SDK1: variants seen among roughly 807,000 people sequenced by gnomAD.
SDK1 encodes protein sidekick-1.
Under a neutral mutation model 245.5 loss-of-function variants are expected in SDK1, and 157 were observed. The ratio of observed to expected loss-of-function variants is 0.64; its 90% CI spans 0.56 to 0.73. The LOEUF (loss-of-function observed/expected upper bound fraction) is 0.73. SDK1 is among the 30% of genes least tolerant of loss of function. SDK1 has a pLI of 0.00. For missense variants in SDK1, 3,583 were observed against 3,002.3 expected, an observed-to-expected ratio of 1.19 and a Z score of -4.52; for synonymous variants, 1,647 against 1,278.5, an observed-to-expected ratio of 1.29 and a Z score of -6.15.
intron 4 of SDK1, among the ~76,000 whole-genome samples, chr7:3,759,006 G>C (rs1053755288): frequency 6.6e-6 from 1 of 152,162 alleles, no homozygotes; most frequent in East Asian, 1.9e-4. Context: ...TTCTCTGACA[G>C]GGAGAAACCT....
intron 4 of SDK1, among the ~76,000 whole-genome samples, chr7:3,793,192 G>T (rs1396884214): frequency 1.3e-5 from 2 of 151,886 alleles, no homozygotes; most frequent in Non-Finnish European, 2.9e-5. Flanking sequence ...TTAATATTTT[G>T]GTCTGTTTCC....
rs1480312743 is a variant in SDK1 at position 3,301,532 on chromosome 7, C to T, written c.-55C>T. The T allele has an allele frequency of 3.1e-6, 2 of 646,736 alleles. No individual in the cohort carries two copies. The highest frequency in any genetic ancestry group is 3.8e-6 in the Non-Finnish European group (2 of 524,330). 40.1% of individuals were successfully genotyped at this position (646,736 alleles called of 1,614,324 possible). On this transcript the variant is annotated 5_prime_UTR_variant, in exon 1 of 45. Coordinates refer to ENST00000404826, the MANE Select transcript of SDK1 (RefSeq NM_152744.4). ...GCCGCGCCCGCTCGGAGCCGTCCCG[C>T]CTGTCCTGCCCGCCCGTCCGTCCGG...
At chr7:4,161,603 C>T (rs561975717) in intron 31 of SDK1, among the ~76,000 whole-genome samples, 183 bp from the exon 32 acceptor site, 7 of 152,212 alleles carry the variant, frequency 4.6e-5, no homozygotes, top group Admixed American at 2.0e-4. Flanking sequence ...CCTCCTATCC[C>T]GAGGACAGGC....
Position 4,266,903 on chromosome 7 carries a change from C to G in SDK1, c.*1519C>G, listed in dbSNP as rs1036552714. ...ACGGCAAACGGGCAGGTGCCGTTCC[C>G]CCAGTGACCTGAGGGTAGGGGACAA... On this transcript the variant is annotated 3_prime_UTR_variant, in exon 45 of 45. Transcript: ENST00000404826. 87 of 985,416 alleles carry G rather than the reference C, an allele frequency of 8.8e-5. No individual in the cohort carries two copies. The highest frequency in any genetic ancestry group is 1.0e-4 in the Non-Finnish European group (87 of 830,000). The allele number at this position is 985,416 out of a possible 1,614,324, so 61.0% of individuals were successfully genotyped here.
intron 42 of SDK1, among the ~76,000 whole-genome samples, chr7:4,240,602 G>A (rs1242218316): frequency 6.6e-6 from 1 of 152,130 alleles, no homozygotes; most frequent in Non-Finnish European, 1.5e-5. Context: ...AGCCTCTTGG[G>A]GTTTAGAAAT....
intron 5 of SDK1, among the ~76,000 whole-genome samples, chr7:3,849,721 C>T (rs1025416435): frequency 6.6e-6 from 1 of 152,148 alleles, no homozygotes; most frequent in South Asian, 2.1e-4. Flanking sequence ...TTGCTGATAG[C>T]TGGCCATTGC....
At chr7:3,357,218 A>G (rs903780783) in intron 1 of SDK1, among the ~76,000 whole-genome samples, 3 of 151,032 alleles carry the variant, frequency 2.0e-5, no homozygotes, top group Non-Finnish European at 4.4e-5. Context: ...TTAATCTTCT[A>G]GAGACTCTGG....
intron 4 of SDK1, among the ~76,000 whole-genome samples, chr7:3,743,567 G>T (rs1340490528): frequency 6.6e-6 from 1 of 152,188 alleles, no homozygotes; most frequent in Non-Finnish European, 1.5e-5. Flanking sequence ...CAGAATGGGT[G>T]TGCCGGGATA....
At chr7:4,017,016 C>T (rs1160799032) in intron 16 of SDK1, among the ~76,000 whole-genome samples, 155 bp from the exon 17 acceptor site, 6 of 152,208 alleles carry the variant, frequency 3.9e-5, no homozygotes, top group Admixed American at 6.5e-5. Context: ...TCAAAATCAT[C>T]GAGTTGGGAA....
intron 1 of SDK1, among the ~76,000 whole-genome samples, chr7:3,541,603 TG>T (rs2128620621): frequency 6.6e-6 from 1 of 152,362 alleles, no homozygotes; most frequent in South Asian, 2.1e-4. Flanking sequence ...ACTATGGATA[TG>T]GCACTTATCA....
rs184969815 is a variant in SDK1 at position 3,648,292 on chromosome 7, C to G, written c.713+6187C>G. Among the ~76,000 whole-genome samples, 375 of 152,196 alleles carry G rather than the reference C, an allele frequency of 2.5e-3. 3 individuals carry two copies. The highest frequency in any genetic ancestry group is 0.017 in the South Asian group (84 of 4,824). ...CAGATTAGAACACAAAATCTTAACT[C>G]TGTACAGTGCCATTCTTGTGCTTAA... On this transcript the variant is annotated intron_variant, in intron 4 of 44. Transcript: ENST00000404826.
At chr7:3,727,187 A>G (rs2051918) in intron 4 of SDK1, among the ~76,000 whole-genome samples, 27,232 of 152,230 alleles carry the variant, frequency 0.18, 3,429 homozygotes, top group African/African-American at 0.34. Context: ...TGGCAAAAGT[A>G]TCACTCACTG....
chr7:3,667,945 T>G (rs1783585354), intron 4 of SDK1, among the ~76,000 whole-genome samples: 1 of 152,230 alleles, frequency 6.6e-6, no homozygotes, highest in Non-Finnish European at 1.5e-5. Context: ...AAGCCTTTAT[T>G]TTGCCCAGTT....
rs554086752 is a variant in SDK1, at chr7:3,653,931, G to A, written c.713+11826G>A. On this transcript the variant is annotated intron_variant, in intron 4 of 44. Coordinates refer to ENST00000404826, the MANE Select transcript of SDK1 (RefSeq NM_152744.4). ...TGTGAGATTTAACAGAAGAGAATGA[G>A]CAAGAAAGTGGTTTGCCAAGTAATG... Among the ~76,000 whole-genome samples, 4 of 152,252 alleles carry A rather than the reference G, an allele frequency of 2.6e-5. No homozygotes were observed. In the South Asian group the frequency reaches 8.3e-4, roughly 32 times the overall value.
chr7:3,317,984 C>T (rs746114452), intron 1 of SDK1, among the ~76,000 whole-genome samples: 24 of 152,242 alleles, frequency 1.6e-4, no homozygotes, highest in Non-Finnish European at 3.2e-4. Context: ...CTTTTCTGAT[C>T]CTCAGCCCCC....
chr7:3,693,561 T>C (rs1784491407), intron 4 of SDK1, among the ~76,000 whole-genome samples: 1 of 152,226 alleles, frequency 6.6e-6, no homozygotes, highest in Admixed American at 6.5e-5. Context: ...TTTGATATGT[T>C]TTTTTCATAG....
chr7:3,311,840 C>A (rs115276715), intron 1 of SDK1, among the ~76,000 whole-genome samples: 1 of 152,104 alleles, frequency 6.6e-6, no homozygotes, highest in Non-Finnish European at 1.5e-5. Context: ...ACAGAAAATT[C>A]AGAGCTAGGG....
At chr7:3,837,359 G>A (rs943182349) in intron 5 of SDK1, among the ~76,000 whole-genome samples, 2 of 152,166 alleles carry the variant, frequency 1.3e-5, no homozygotes, top group Non-Finnish European at 2.9e-5. Context: ...CTTAAAATAT[G>A]TGGCCATGCT....
At chr7:3,876,657 C>G (rs1233875143) in intron 5 of SDK1, among the ~76,000 whole-genome samples, 4 of 152,100 alleles carry the variant, frequency 2.6e-5, no homozygotes, top group Non-Finnish European at 4.4e-5. Flanking sequence ...AAATACAATA[C>G]TATAGTAGAC....
Sources: gnomAD v4.1 joint callset for allele counts (sites outside exome capture counted in the v4.1 genomes callset) on GRCh38, gnomAD v4.1.1 for gene constraint, MANE v1.5 for transcripts, NCBI Gene and HGNC (gene_info 2026-07-23, HGNC 2026-07-21) for gene names.